PSMC5: variants seen among roughly 807,000 people sequenced by gnomAD.
PSMC5 encodes 26S proteasome regulatory subunit 8.
Under a neutral mutation model 49.1 loss-of-function variants are expected in PSMC5, and 11 were observed. The observed-to-expected ratio is 0.22, with a 90% CI of 0.14 to 0.37. The LOEUF (loss-of-function observed/expected upper bound fraction) is 0.37, where lower values mean the gene tolerates loss of function less well. PSMC5 is among the 10% of genes least tolerant of loss of function. The probability of loss-of-function intolerance (pLI) is 1.00; values close to 1 mark genes in which losing one functional copy is unlikely to be tolerated. For missense variants in PSMC5, 229 were observed against 520.9 expected, an observed-to-expected ratio of 0.44 and a Z score of 5.45; for synonymous variants, 206 against 192.2, an observed-to-expected ratio of 1.07 and a Z score of -0.59.
At chr17:63,828,282 T>A in intron 2 of PSMC5, 73 bp downstream of exon 2, 3 of 1,483,680 alleles carry the variant, frequency 2.0e-6, no homozygotes, top group Non-Finnish European at 2.8e-6. Context: ...CAAATCCATC[T>A]AATTCCTTTG....
chr17:63,832,018 T>C lies in PSMC5; in HGVS notation c.*49T>C. ...CTCCAATAAAGCTCTGTGGGCCAAG[T>C]CCTCTAGGACTCCAGTCTGTTAATG... On this transcript the variant is annotated 3_prime_UTR_variant, in exon 12 of 12. Coordinates refer to ENST00000310144, the MANE Select transcript of PSMC5 (RefSeq NM_002805.6). The C allele has an allele frequency of 6.5e-7, 1 of 1,549,740 alleles. No individual in the cohort carries two copies. The highest frequency in any genetic ancestry group is 8.9e-7 in the Non-Finnish European group (1 of 1,121,602).
chr17:63,828,525 G>A (rs2040140698), intron 2 of PSMC5: 1 of 246,814 alleles, frequency 4.1e-6, no homozygotes, highest in African/African-American at 2.3e-5. Context: ...CTTATAAAAG[G>A]GAAACATAAG....
chr17:63,830,030 TTC>T lies in PSMC5; in HGVS notation c.264+83_264+84del. On this transcript the variant is annotated intron_variant, in intron 4 of 11. Transcript: ENST00000310144. The surrounding 1 kb of genome is among the most constrained non-coding windows in gnomAD (Gnocchi z 4.0). ...TTGTGTGTAGCCTCGGGAGACAGGGTTCTGTGTTCTGTCAAGGTATTGTGGGA... is the reference window on the plus strand; with the variant it reads ...TTGTGTGTAGCCTCGGGAGACAGGGTTGTGTTCTGTCAAGGTATTGTGGGA... 6.4e-7 allele frequency: 1 copy of T among 1,559,280 alleles called. No homozygotes were observed. The highest frequency in any genetic ancestry group is 8.7e-7 in the Non-Finnish European group (1 of 1,145,668).
At position 63,827,462 on chromosome 17, in the gene PSMC5, A is replaced by T. The variant is rs960399152; in HGVS notation, c.-29A>T. ...GCGCTTGCGCGCCAAGACGGCTCGG[A>T]TGCCGGCGGTCTCTGCTGAAGAGAG... On this transcript the variant is annotated 5_prime_UTR_variant, in exon 1 of 12. It removes an upstream start codon present in the reference 5' UTR. Coordinates refer to ENST00000310144, the MANE Select transcript of PSMC5 (RefSeq NM_002805.6). The T allele has an allele frequency of 1.9e-6, 3 of 1,551,704 alleles. No individual in the cohort carries two copies. In the East Asian group the frequency reaches 7.3e-5, roughly 38 times the overall value.
In PSMC5 at chr17:63,829,901, T is replaced by C. The variant is rs769040800; in HGVS notation, c.216T>C (p.Tyr72=). 1.8e-5 allele frequency: 29 copies of C among 1,613,810 alleles called. No individual in the cohort carries two copies. The highest frequency in any genetic ancestry group is 2.4e-5 in the Non-Finnish European group (28 of 1,179,880). The change falls in exon 4 of 12, where the codon TAT becomes TAC. Residue 72 remains tyrosine, a synonymous_variant. Coordinates refer to ENST00000310144, the MANE Select transcript of PSMC5 (RefSeq NM_002805.6). ...AGCTGCTGCAGGAGCAGGGCTCCTA[T>C]GTGGGGGAAGTAGTCCGGGCCATGG... is the stretch of plus-strand genomic sequence containing the variant. ...ELQLLQEQGS[Y]VGEVVRAMDK...
chr17:63,831,461 G>T lies in PSMC5; in HGVS notation c.969+36G>T, dbSNP rs773729290. 6.2e-7 allele frequency: 1 copy of T among 1,612,666 alleles called. No individual in the cohort carries two copies. On this transcript the variant is annotated intron_variant, in intron 9 of 11. Coordinates refer to ENST00000310144, the MANE Select transcript of PSMC5 (RefSeq NM_002805.6). This position sits in a 1 kb window ranked among gnomAD's most constrained non-coding sequence, Gnocchi z 6.3. ...GACACTGTGCAAAGTGGCTCTGGCT[G>T]TGGGGGTGGGGTGTGGGGCTCAGGC...
chr17:63,829,956 G>C lies in PSMC5; in HGVS notation c.264+7G>C, dbSNP rs761466927. ...GAAGAAAGTGTTGGTCAAGGTAAAA[G>C]CAGCATGACCCCAGGGACCAGCTCG... On this transcript the variant is annotated splice_region_variant and intron_variant, in intron 4 of 11. Transcript: ENST00000310144. The C allele has an allele frequency of 2.5e-6, 4 of 1,605,296 alleles. No individual in the cohort carries two copies. The highest frequency in any genetic ancestry group is 3.4e-6 in the Non-Finnish European group (4 of 1,175,552).
At chr17:63,829,660 TCTCC>T (rs530629958) in intron 3 of PSMC5, 97 bp downstream of exon 3, 2 of 1,333,880 alleles carry the variant, frequency 1.5e-6, no homozygotes, top group African/African-American at 2.9e-5. Flanking sequence ...CTTACTGTTT[TCTCC>T]CTGTCATCAT....
chr17:63,828,090 C>A (rs372200183), intron 1 of PSMC5, 48 bp from the exon 2 acceptor site: 46 of 1,606,012 alleles, frequency 2.9e-5, no homozygotes, highest in Non-Finnish European at 3.8e-5. Context: ...GTGGCTTTAC[C>A]CCCTCGGATG....
At chr17:63,829,719 C>A in intron 3 of PSMC5, 133 bp from the exon 4 acceptor site, 1 of 1,218,196 alleles carries the variant, frequency 8.2e-7, no homozygotes, top group Non-Finnish European at 1.2e-6. Context: ...CCTATTGTAG[C>A]CTCCTTAAAT....
chr17:63,829,987 C>T (rs762562891), intron 4 of PSMC5, 38 bp downstream of exon 4: 2 of 1,581,362 alleles, frequency 1.3e-6, no homozygotes, highest in South Asian at 1.2e-5. Context: ...GCTCGGTCTC[C>T]ACTGCATTCC....
Position 63,830,990 on chromosome 17 carries a change from C to G in PSMC5, c.680-46C>G, listed in dbSNP as rs754266726. 1.9e-6 allele frequency: 3 copies of G among 1,605,860 alleles called. No homozygotes were observed. Among genetic ancestry groups the G allele is most frequent in the Non-Finnish European group, 2.6e-6 (3 of 1,175,442 alleles). Reference sequence around the variant, plus strand: ...GAGGTAGGGGTAGGGGGTTAGAGAGCTAATAAGCTAATAAGCTCCCTAACA... The same window carrying G: ...GAGGTAGGGGTAGGGGGTTAGAGAGGTAATAAGCTAATAAGCTCCCTAACA... On this transcript the variant is annotated intron_variant, in intron 7 of 11. Transcript: ENST00000310144. The surrounding 1 kb of genome is among the most constrained non-coding windows in gnomAD (Gnocchi z 4.0).
In PSMC5 at chr17:63,831,989, A is replaced by G; in HGVS notation, c.*20A>G. 2 of 1,609,432 alleles carry G rather than the reference A, an allele frequency of 1.2e-6. No homozygotes were observed. Among genetic ancestry groups the G allele is most frequent in the Non-Finnish European group, 1.7e-6 (2 of 1,175,698 alleles). ...AAGTGAGTGGACAGCCTTTGTGTGTATCTCTCCAATAAAGCTCTGTGGGCC... is the reference window on the plus strand; with the variant it reads ...AAGTGAGTGGACAGCCTTTGTGTGTGTCTCTCCAATAAAGCTCTGTGGGCC... On this transcript the variant is annotated 3_prime_UTR_variant, in exon 12 of 12. Coordinates refer to ENST00000310144, the MANE Select transcript of PSMC5 (RefSeq NM_002805.6). The surrounding 1 kb of genome is among the most constrained non-coding windows in gnomAD (Gnocchi z 6.3).
At chr17:63,829,670 AT>A (rs2040158296) in intron 3 of PSMC5, 107 bp downstream of exon 3, 30 of 1,271,962 alleles carry the variant, frequency 2.4e-5, no homozygotes, top group Non-Finnish European at 3.2e-5. Flanking sequence ...TCTCCCTGTC[AT>A]CATCTAGTAG....
chr17:63,827,623 C>T (rs2040125376), intron 1 of PSMC5, 109 bp downstream of exon 1: 1 of 1,545,648 alleles, frequency 6.5e-7, no homozygotes, highest in South Asian at 1.2e-5. Context: ...GTCGGAGGTG[C>T]CTGGACCAGT....
chr17:63,829,391 G>GC lies in PSMC5; in HGVS notation c.97-100dup, dbSNP rs1441520681. 7 of 1,004,152 alleles carry GC rather than the reference G, an allele frequency of 7.0e-6. No homozygotes were observed. The African/African-American group carries it at 1.1e-4, about 16-fold the overall frequency. The allele number at this position is 1,004,152 out of a possible 1,614,324, so 62.2% of individuals were successfully genotyped here. A position where few individuals can be genotyped will look rare whatever the true frequency, so the allele number is the denominator to read the frequency against. ...CTGAAACAACATGCAGGTGCCCTGT[G>GC]CCCTTCCCTCAGCTCATTCAGACCT... On this transcript the variant is annotated intron_variant, in intron 2 of 11. Transcript: ENST00000310144.
intron 1 of PSMC5, chr17:63,827,936 C>T (rs2040131156): frequency 1.5e-6 from 2 of 1,334,546 alleles, no homozygotes; most frequent in African/African-American, 1.5e-5. Context: ...AGGCGGCGTT[C>T]CCATTCTTTT....
At position 63,829,551 on chromosome 17, in the gene PSMC5, C is replaced by T. The variant is rs567104866; in HGVS notation, c.154C>T (p.Leu52=). Residue 52 remains leucine (L), a synonymous_variant, in exon 3 of 12, where the codon CTA becomes TTA. Transcript: ENST00000310144. The part of the protein sequence containing the change: ...LRRLQAQRNE[L]NAKVRLLREE... ...GAGGCTGCAGGCACAGAGGAACGAACTAAATGCTAAAGGTGAGTGGAGAAA... is the reference window on the plus strand; with the variant it reads ...GAGGCTGCAGGCACAGAGGAACGAATTAAATGCTAAAGGTGAGTGGAGAAA... 2 of 1,554,496 alleles carry T rather than the reference C, an allele frequency of 1.3e-6. No homozygotes were observed. The highest frequency in any genetic ancestry group is 2.4e-5 in the South Asian group (2 of 84,258).
At chr17:63,827,837 C>T (rs2040129421) in intron 1 of PSMC5, 5 of 1,429,908 alleles carry the variant, frequency 3.5e-6, no homozygotes, top group Non-Finnish European at 3.6e-6. Flanking sequence ...AGTACTGACA[C>T]CTCGGGCTTG....
Sources: allele counts gnomAD v4.1 joint callset, GRCh38; gene constraint gnomAD v4.1.1; non-coding constraint Gnocchi (gnomAD v3.1); transcripts MANE v1.5; gene names NCBI Gene and HGNC (gene_info 2026-07-23, HGNC 2026-07-21).